Variants in MARCHF1 observed in about 807,000 individuals in gnomAD.
MARCHF1 encodes E3 ubiquitin-protein ligase MARCHF1.
MARCHF1 carries 40 observed loss-of-function variants against 54.2 expected under a neutral mutation model. The ratio of observed to expected loss-of-function variants is 0.74; its 90% CI spans 0.57 to 0.96. The LOEUF (loss-of-function observed/expected upper bound fraction) is 0.96. Among genes scored for constraint, MARCHF1 ranks in the 40% least tolerant of loss-of-function variants. The pLI, the probability that MARCHF1 is intolerant of heterozygous loss-of-function variation, is 0.00. For synonymous variants in MARCHF1, 236 were observed against 236.3 expected, an observed-to-expected ratio of 1.00 and a Z score of 0.01; for missense variants, 586 against 656.5, an observed-to-expected ratio of 0.89 and a Z score of 1.17.
chr4:163,907,898 G>T (rs1299206202), intron 3 of MARCHF1, among the ~76,000 whole-genome samples: 1 of 152,114 alleles, frequency 6.6e-6, no homozygotes, highest in Non-Finnish European at 1.5e-5. Context: ...AACACAAAGA[G>T]AAATAAGGTC....
chr4:163,594,726 C>T lies in MARCHF1; in HGVS notation c.1011-8797G>A, dbSNP rs992627902. ...TCAGAGTCACAGTGAAATGTCACCT[C>T]GCACCCATCAGAATGGCTATTATCA... On this transcript the variant is annotated intron_variant, in intron 7 of 9. Coordinates refer to ENST00000514618, the MANE Select transcript of MARCHF1 (RefSeq NM_001394959.1). Among the ~76,000 whole-genome samples, 19 of 148,358 alleles carry T rather than the reference C, an allele frequency of 1.3e-4. No homozygotes were observed. The East Asian group carries it at 2.8e-3, about 22-fold the overall frequency.
Position 164,259,558 on chromosome 4 carries a change from A to AG in MARCHF1, c.-323+124311_-323+124312insC, listed in dbSNP as rs1579668770. Among the ~76,000 whole-genome samples the AG allele has an allele frequency of 1.3e-3, 161 of 122,796 alleles. 1 individual carries two copies. The East Asian group carries it at 0.03, about 23-fold the overall frequency. The allele number at this position is 122,796 out of a possible 152,430, so 80.6% of individuals were successfully genotyped here. A position where few individuals can be genotyped will look rare whatever the true frequency, so the allele number is the denominator to read the frequency against. ...GGACCGTGTCTCAAAAAAAAAAAAA[A>AG]AAAAAAAGAAAAAAGAAAAAGAAAA... On this transcript the variant is annotated intron_variant, in intron 1 of 9. Coordinates refer to ENST00000514618, the MANE Select transcript of MARCHF1 (RefSeq NM_001394959.1).
intron 3 of MARCHF1, among the ~76,000 whole-genome samples, chr4:163,971,270 A>G (rs137990339): frequency 6.6e-6 from 1 of 152,346 alleles, no homozygotes; most frequent in African/African-American, 2.4e-5. Flanking sequence ...ATAAATTCAG[A>G]CAAATGGTAG....
chr4:164,073,961 C>T (rs1189249416), intron 2 of MARCHF1, among the ~76,000 whole-genome samples: 2 of 152,086 alleles, frequency 1.3e-5, no homozygotes, highest in East Asian at 1.9e-4. Context: ...CGCACCACCA[C>T]ACCCAGCTAA....
intron 2 of MARCHF1, among the ~76,000 whole-genome samples, chr4:164,015,903 A>G (rs534469518): frequency 1.4e-5 from 2 of 146,892 alleles, no homozygotes; most frequent in Non-Finnish European, 3.0e-5. Flanking sequence ...GTTTCCCCAA[A>G]AAAAAAAAAA....
chr4:164,128,516 T>C (rs1756234656), intron 1 of MARCHF1, among the ~76,000 whole-genome samples: 1 of 144,604 alleles, frequency 6.9e-6, no homozygotes, highest in Non-Finnish European at 1.5e-5. Context: ...CTTATACTTA[T>C]GAAATGATGC....
At chr4:163,570,034 C>T (rs879567345) in intron 8 of MARCHF1, among the ~76,000 whole-genome samples, 2 of 152,078 alleles carry the variant, frequency 1.3e-5, no homozygotes, top group Non-Finnish European at 2.9e-5. Context: ...CTCAATCGTG[C>T]TTACTTTATT....
At chr4:163,628,654 G>C (rs999152416) in intron 5 of MARCHF1, among the ~76,000 whole-genome samples, 1 of 152,162 alleles carries the variant, frequency 6.6e-6, no homozygotes. Context: ...AAACCCTATT[G>C]TCTCAGCCCA....
At chr4:163,841,323 C>A (rs1749330911) in intron 4 of MARCHF1, among the ~76,000 whole-genome samples, 1 of 151,946 alleles carries the variant, frequency 6.6e-6, no homozygotes, top group South Asian at 2.1e-4. Flanking sequence ...AACAAATGGA[C>A]CACTTTGGGG....
chr4:163,841,446 T>C (rs1749334922), intron 4 of MARCHF1, among the ~76,000 whole-genome samples: 1 of 49,872 alleles, frequency 2.0e-5, no homozygotes, highest in Admixed American at 3.0e-4. Flanking sequence ...AAATAGAGTC[T>C]ATTTTTTTTA....
intron 4 of MARCHF1, among the ~76,000 whole-genome samples, chr4:163,722,581 T>C (rs1387291649): frequency 6.6e-6 from 1 of 152,208 alleles, no homozygotes; most frequent in Non-Finnish European, 1.5e-5. Context: ...TTCCTGGATA[T>C]CCTTGTTAAC....
intron 3 of MARCHF1, among the ~76,000 whole-genome samples, chr4:163,898,547 G>A (rs1750867637): frequency 6.6e-6 from 1 of 152,134 alleles, no homozygotes; most frequent in Admixed American, 6.5e-5. Flanking sequence ...ATGTTGGTGA[G>A]GATGCAGAGA....
At chr4:164,315,628 T>C (rs1465085853) in intron 1 of MARCHF1, among the ~76,000 whole-genome samples, 3 of 152,170 alleles carry the variant, frequency 2.0e-5, no homozygotes, top group Non-Finnish European at 4.4e-5. Context: ...TTACTTTAGC[T>C]GCCCCAGGCC....
At chr4:163,695,754 G>A (rs2111215717) in intron 5 of MARCHF1, among the ~76,000 whole-genome samples, 1 of 152,164 alleles carries the variant, frequency 6.6e-6, no homozygotes, top group South Asian at 2.1e-4. Context: ...TTTGACAGTT[G>A]GCTTTTGAAA....
chr4:163,809,902 T>C (rs1748336460), intron 4 of MARCHF1, among the ~76,000 whole-genome samples: 1 of 152,206 alleles, frequency 6.6e-6, no homozygotes, highest in Non-Finnish European at 1.5e-5. Flanking sequence ...TATCATCTTA[T>C]ACTATAATCT....
rs1335555429 is a variant in MARCHF1 at position 163,526,246 on chromosome 4, G to A, written c.*2502C>T. 6.6e-6 allele frequency: 1 copy of A among 151,980 alleles called. No homozygotes were observed. The highest frequency in any genetic ancestry group is 2.4e-5 in the African/African-American group (1 of 41,404). The allele number at this position is 151,980 out of a possible 1,614,324, so 9.4% of individuals were successfully genotyped here. A position where few individuals can be genotyped will look rare whatever the true frequency, so the allele number is the denominator to read the frequency against. On this transcript the variant is annotated 3_prime_UTR_variant, in exon 10 of 10. Transcript: ENST00000514618. ...TAAAAGTGTAGCCCTTAATAAATGA[G>A]GCTTTATTTTAGCCGATCATCCTCC...
chr4:163,832,792 A>G (rs1055109086), intron 4 of MARCHF1, among the ~76,000 whole-genome samples: 4 of 126,678 alleles, frequency 3.2e-5, no homozygotes, highest in African/African-American at 6.1e-5. Flanking sequence ...TCCTGTGTCC[A>G]TGTGTTCTCA....
chr4:164,251,257 G>C (rs1481296250), intron 1 of MARCHF1, among the ~76,000 whole-genome samples: 1 of 151,984 alleles, frequency 6.6e-6, no homozygotes, highest in African/African-American at 2.4e-5. Flanking sequence ...ACGTTCAAAG[G>C]CATAATACCA....
At chr4:164,149,794 T>C (rs921910828) in intron 1 of MARCHF1, among the ~76,000 whole-genome samples, 2 of 152,124 alleles carry the variant, frequency 1.3e-5, no homozygotes, top group East Asian at 3.8e-4. Flanking sequence ...ATTTAAATGG[T>C]TTGAGGTGTG....
Sources: gnomAD v4.1 joint callset for allele counts (sites outside exome capture counted in the v4.1 genomes callset) on GRCh38, gnomAD v4.1.1 for gene constraint, MANE v1.5 for transcripts, NCBI Gene and HGNC (gene_info 2026-07-23, HGNC 2026-07-21) for gene names.